EPHB1: variants seen among roughly 807,000 people sequenced by gnomAD.
EPHB1 encodes EPH receptor B1, also known as ephrin type-B receptor 1.
Under a neutral mutation model 94.4 loss-of-function variants are expected in EPHB1, and 30 were observed. That is an observed-to-expected ratio of 0.32 (90% CI 0.24 to 0.43). EPHB1 has a LOEUF of 0.43. Among genes scored for constraint, EPHB1 ranks in the 20% least tolerant of loss-of-function variants. The pLI, the probability that EPHB1 is intolerant of heterozygous loss-of-function variation, is 1.00. For synonymous variants in EPHB1, 522 were observed against 489.1 expected (o/e 1.07, Z -0.89); for missense variants, 1,055 against 1,308.3 (o/e 0.81, Z 2.99).
At chr3:134,881,751 C>T (rs1369166472) in intron 1 of EPHB1, among the ~76,000 whole-genome samples, 1 of 152,176 alleles carries the variant, frequency 6.6e-6, no homozygotes, top group Admixed American at 6.5e-5. Context: ...TAGACTACAT[C>T]AGTCCCTTAA....
At chr3:134,829,997 G>C (rs900812226) in intron 1 of EPHB1, among the ~76,000 whole-genome samples, 5 of 152,200 alleles carry the variant, frequency 3.3e-5, no homozygotes, top group African/African-American at 9.6e-5. Flanking sequence ...CGTGATTTCA[G>C]ATTTCTGCCT....
At chr3:135,005,050 T>C (rs1173622732) in intron 3 of EPHB1, among the ~76,000 whole-genome samples, 1 of 152,264 alleles carries the variant, frequency 6.6e-6, no homozygotes, top group Admixed American at 6.5e-5. Context: ...TTTTAGAGTT[T>C]CCATTTTTTC....
intron 1 of EPHB1, among the ~76,000 whole-genome samples, chr3:134,864,672 T>C (rs187520377): frequency 6.2e-4 from 94 of 152,370 alleles, no homozygotes; most frequent in Non-Finnish European, 1.0e-3. Flanking sequence ...CGTTTTCTAC[T>C]TGCTTTCCAT....
rs1208037312 is a variant in EPHB1 at position 135,192,775 on chromosome 3, G to A, written c.2082G>A (p.Met694Ile). Residue 694 changes from methionine (M) to isoleucine (I), a missense_variant, in exon 11 of 16, where the codon ATG (methionine) becomes ATA (isoleucine). Transcript: ENST00000398015. ...TGGTCACCAAGAGTCGGCCTGTCAT[G>A]ATCATCACAGAGTTCATGGAGAATG... ...EGVVTKSRPV[M>I]IITEFMENGA... 1.9e-6 allele frequency: 3 copies of A among 1,614,148 alleles called. No individual in the cohort carries two copies. Among genetic ancestry groups the A allele is most frequent in the Non-Finnish European group, 2.5e-6 (3 of 1,180,018 alleles).
chr3:134,809,029 A>G (rs1446401208), intron 1 of EPHB1, among the ~76,000 whole-genome samples: 1 of 152,222 alleles, frequency 6.6e-6, no homozygotes, highest in Non-Finnish European at 1.5e-5. Flanking sequence ...AAAGAAATGC[A>G]TACTCATAGG....
At chr3:134,852,961 C>T (rs2037024688) in intron 1 of EPHB1, among the ~76,000 whole-genome samples, 1 of 152,158 alleles carries the variant, frequency 6.6e-6, no homozygotes. Context: ...TCACAGTCTC[C>T]TTCCATACTG....
intron 1 of EPHB1, among the ~76,000 whole-genome samples, chr3:134,907,298 T>C (rs2038353572): frequency 6.6e-6 from 1 of 152,238 alleles, no homozygotes; most frequent in African/African-American, 2.4e-5. Flanking sequence ...AGTTGCACCA[T>C]GGCTGGCTAG....
chr3:134,968,629 C>T (rs972512161), intron 3 of EPHB1, among the ~76,000 whole-genome samples: 3 of 152,082 alleles, frequency 2.0e-5, no homozygotes, highest in African/African-American at 7.2e-5. Context: ...TTTAAGTGGA[C>T]AGTTTTATGA....
intron 12 of EPHB1, among the ~76,000 whole-genome samples, chr3:135,210,679 C>T (rs1381217095): frequency 2.6e-5 from 4 of 152,156 alleles, no homozygotes; most frequent in Admixed American, 1.3e-4. Context: ...TTACTCAAGC[C>T]ACACAGCGTG....
intron 5 of EPHB1, among the ~76,000 whole-genome samples, chr3:135,138,791 C>T (rs1940712147): frequency 6.6e-6 from 1 of 152,222 alleles, no homozygotes; most frequent in African/African-American, 2.4e-5. Context: ...TGTTTCATTG[C>T]TTTCTTCTCA....
chr3:135,046,288 T>A (rs1319422183), intron 3 of EPHB1, among the ~76,000 whole-genome samples: 1 of 152,242 alleles, frequency 6.6e-6, no homozygotes, highest in Non-Finnish European at 1.5e-5. Context: ...AAACTATAGC[T>A]CTTGCTACGT....
chr3:135,068,205 C>A (rs368791795), intron 3 of EPHB1, among the ~76,000 whole-genome samples: 3 of 152,146 alleles, frequency 2.0e-5, no homozygotes, highest in African/African-American at 7.2e-5. Context: ...GACAGAGCTG[C>A]GATCTAGCCC....
chr3:135,120,551 C>T (rs539233774), intron 4 of EPHB1, among the ~76,000 whole-genome samples: 4 of 152,214 alleles, frequency 2.6e-5, no homozygotes, highest in African/African-American at 4.8e-5. Context: ...CATTGCATGC[C>T]GTGAATTACT....
At chr3:134,865,459 C>T (rs1260573614) in intron 1 of EPHB1, among the ~76,000 whole-genome samples, 1 of 152,042 alleles carries the variant, frequency 6.6e-6, no homozygotes, top group African/African-American at 2.4e-5. Context: ...TACATATACC[C>T]GTTGACCCTG....
At chr3:134,961,153 G>T (rs1011093448) in intron 3 of EPHB1, among the ~76,000 whole-genome samples, 3 of 152,154 alleles carry the variant, frequency 2.0e-5, no homozygotes, top group Admixed American at 6.5e-5. Context: ...GCTTATATAT[G>T]AGATTCAGCA....
At chr3:134,811,631 C>T (rs888178947) in intron 1 of EPHB1, among the ~76,000 whole-genome samples, 2 of 151,876 alleles carry the variant, frequency 1.3e-5, no homozygotes, top group Non-Finnish European at 2.9e-5. Flanking sequence ...TGTTCATGTA[C>T]TGAGGCCCTT....
At chr3:135,106,754 C>A (rs1939234490) in intron 4 of EPHB1, among the ~76,000 whole-genome samples, 151 bp downstream of exon 4, 1 of 152,198 alleles carries the variant, frequency 6.6e-6, no homozygotes, top group Non-Finnish European at 1.5e-5. Flanking sequence ...AACTCCTATG[C>A]TCGGAGTTCA....
At chr3:134,861,893 TA>T (rs903192279) in intron 1 of EPHB1, among the ~76,000 whole-genome samples, 3 of 151,566 alleles carry the variant, frequency 2.0e-5, no homozygotes, top group African/African-American at 7.3e-5. Context: ...AAATTTAAAT[TA>T]AAAAAAAGAG....
intron 3 of EPHB1, among the ~76,000 whole-genome samples, chr3:134,964,194 C>A (rs1318239300): frequency 6.6e-6 from 1 of 152,196 alleles, no homozygotes; most frequent in African/African-American, 2.4e-5. Context: ...ATCCCAGCAG[C>A]ATTGAGTAGA....
Sources: gnomAD v4.1 joint callset for allele counts (sites outside exome capture counted in the v4.1 genomes callset) on GRCh38, gnomAD v4.1.1 for gene constraint, MANE v1.5 for transcripts, NCBI Gene and HGNC (gene_info 2026-07-23, HGNC 2026-07-21) for gene names.